ITPR2: variants seen among roughly 807,000 people sequenced by gnomAD.
ITPR2 encodes inositol 1,4,5-trisphosphate receptor type 2.
A neutral mutation model predicts 317.1 loss-of-function variants in ITPR2; 207 were observed. The observed-to-expected ratio is 0.65, with a 90% confidence interval of 0.58 to 0.73. The LOEUF (loss-of-function observed/expected upper bound fraction) is 0.73. Ranked by LOEUF, ITPR2 falls within the 30% of genes least tolerant of loss-of-function variation. The pLI, the probability that ITPR2 is intolerant of heterozygous loss-of-function variation, is 0.00. For missense variants in ITPR2, 2,613 were observed against 3,284.0 expected, an observed-to-expected ratio of 0.80 and a Z score of 4.99; for synonymous variants, 1,156 against 1,149.1, an observed-to-expected ratio of 1.01 and a Z score of -0.12.
chr12:26,513,233 A>T (rs1002380011), intron 37 of ITPR2, among the ~76,000 whole-genome samples: 3 of 152,154 alleles, frequency 2.0e-5, no homozygotes, highest in African/African-American at 7.2e-5. Flanking sequence ...TGCTGCCTGT[A>T]TGCCCAGGGG....
chr12:26,741,143 G>A (rs910030457), intron 2 of ITPR2, among the ~76,000 whole-genome samples: 6 of 152,260 alleles, frequency 3.9e-5, no homozygotes, highest in African/African-American at 1.4e-4. Context: ...TCAGGCTGAG[G>A]AGAGGAGGCT....
At chr12:26,695,043 A>G (rs1291223803) in intron 10 of ITPR2, among the ~76,000 whole-genome samples, 1 of 152,230 alleles carries the variant, frequency 6.6e-6, no homozygotes, top group Non-Finnish European at 1.5e-5. Context: ...AAACATTCCA[A>G]TTCTTTCTGT....
intron 21 of ITPR2, among the ~76,000 whole-genome samples, chr12:26,650,188 G>C (rs550528001): frequency 6.6e-6 from 1 of 152,238 alleles, no homozygotes; most frequent in African/African-American, 2.4e-5. Flanking sequence ...ACGGTGGAGA[G>C]AGCAAACAAG....
intron 55 of ITPR2, among the ~76,000 whole-genome samples, chr12:26,366,724 G>A (rs533840279): frequency 1.3e-5 from 2 of 152,292 alleles, no homozygotes; most frequent in East Asian, 3.9e-4. Flanking sequence ...GCAACCTGTA[G>A]AGCAGTCACT....
At chr12:26,420,879 T>C (rs1940868571) in intron 49 of ITPR2, among the ~76,000 whole-genome samples, 1 of 152,104 alleles carries the variant, frequency 6.6e-6, no homozygotes, top group East Asian at 1.9e-4. Context: ...TATTCAGTAA[T>C]TATTTAAATT....
chr12:26,512,408 T>G (rs1438690209), intron 37 of ITPR2, among the ~76,000 whole-genome samples: 1 of 152,184 alleles, frequency 6.6e-6, no homozygotes, highest in African/African-American at 2.4e-5. Flanking sequence ...TCTGCCCTAT[T>G]GCTTATGTAA....
chr12:26,508,595 CAAGT>C (rs143448258), intron 37 of ITPR2, among the ~76,000 whole-genome samples: 16,950 of 151,984 alleles, frequency 0.11, 1,312 homozygotes, highest in African/African-American at 0.22. Flanking sequence ...GAAAAGCAAA[CAAGT>C]AAGAGACACA....
chr12:26,752,114 CTT>C (rs1185222810), intron 2 of ITPR2, among the ~76,000 whole-genome samples: 2 of 152,164 alleles, frequency 1.3e-5, no homozygotes, highest in Non-Finnish European at 2.9e-5. Flanking sequence ...TAACAGCCCT[CTT>C]TGTTAGTAAT....
At chr12:26,603,398 T>C (rs1488897269) in intron 26 of ITPR2, among the ~76,000 whole-genome samples, 1 of 152,204 alleles carries the variant, frequency 6.6e-6, no homozygotes, top group Non-Finnish European at 1.5e-5. Flanking sequence ...GTGGACATAT[T>C]TGAAACATCA....
intron 49 of ITPR2, among the ~76,000 whole-genome samples, chr12:26,427,492 T>A (rs547631093): frequency 1.2e-3 from 182 of 152,284 alleles, no homozygotes; most frequent in Non-Finnish European, 2.4e-3. Context: ...CATATAGAAA[T>A]CCTTTTTCTT....
intron 49 of ITPR2, among the ~76,000 whole-genome samples, chr12:26,423,818 C>T (rs865844036): frequency 3.3e-5 from 5 of 152,070 alleles, no homozygotes; most frequent in Admixed American, 6.5e-5. Flanking sequence ...GAAAAAAACA[C>T]TTGAATTTTT....
intron 9 of ITPR2, among the ~76,000 whole-genome samples, chr12:26,709,523 G>A (rs1481598510): frequency 6.6e-6 from 1 of 152,052 alleles, no homozygotes; most frequent in Non-Finnish European, 1.5e-5. Flanking sequence ...TCCTCACTAA[G>A]GTTAATGAAC....
intron 21 of ITPR2, among the ~76,000 whole-genome samples, chr12:26,642,803 A>T (rs1302089422): frequency 6.6e-6 from 1 of 152,186 alleles, no homozygotes; most frequent in Admixed American, 6.5e-5. Context: ...AAATGTTTCC[A>T]ATCAGGGCAT....
chr12:26,673,020 AAT>A (rs1947821700), intron 13 of ITPR2, among the ~76,000 whole-genome samples: 1 of 152,228 alleles, frequency 6.6e-6, no homozygotes, highest in Non-Finnish European at 1.5e-5. Flanking sequence ...TGAATAGACC[AAT>A]AACAGGAGCT....
chr12:26,463,758 C>T (rs929027511), intron 45 of ITPR2, among the ~76,000 whole-genome samples: 15 of 152,034 alleles, frequency 9.9e-5, no homozygotes, highest in Admixed American at 9.8e-4. Context: ...TACTATATCA[C>T]ATTTCAATAA....
chr12:26,459,608 C>T (rs999789635), intron 45 of ITPR2, among the ~76,000 whole-genome samples: 8 of 152,204 alleles, frequency 5.3e-5, no homozygotes, highest in Non-Finnish European at 1.0e-4. Flanking sequence ...TCTCTCTCCT[C>T]TCTTGCTTTT....
chr12:26,541,586 AT>A (rs1944263308), intron 37 of ITPR2, among the ~76,000 whole-genome samples: 1 of 152,222 alleles, frequency 6.6e-6, no homozygotes. Context: ...TAGCATTTCT[AT>A]TTAAATTCAT....
chr12:26,808,524 G>A (rs927335333), intron 1 of ITPR2, among the ~76,000 whole-genome samples: 1 of 152,186 alleles, frequency 6.6e-6, no homozygotes, highest in African/African-American at 2.4e-5. Flanking sequence ...CAGTGTACAT[G>A]ACAGACCAAA....
intron 21 of ITPR2, among the ~76,000 whole-genome samples, chr12:26,653,664 C>G (rs1334003786): frequency 6.6e-6 from 1 of 152,170 alleles, no homozygotes; most frequent in African/African-American, 2.4e-5. Context: ...ATTGCTTGAA[C>G]CACATGACCA....
Sources: allele counts gnomAD v4.1 joint callset (sites outside exome capture counted in the v4.1 genomes callset), GRCh38; gene constraint gnomAD v4.1.1; transcripts MANE v1.5; gene names NCBI Gene and HGNC (gene_info 2026-07-23, HGNC 2026-07-21).